Variants in KANSL3 observed in about 807,000 individuals in gnomAD.
KANSL3 encodes the protein NSL complex protein NSL3.
KANSL3 carries 16 observed loss-of-function variants against 89.2 expected under a neutral mutation model. The ratio of observed to expected loss-of-function variants is 0.18; its 90% CI spans 0.12 to 0.27. KANSL3 has a LOEUF of 0.27. Ranked by LOEUF, KANSL3 falls within the 10% of genes least tolerant of loss-of-function variation. The pLI is 1.00. For synonymous variants in KANSL3, 385 were observed against 419.7 expected, an observed-to-expected ratio of 0.92 and a Z score of 1.01; for missense variants, 879 against 1,110.6, an observed-to-expected ratio of 0.79 and a Z score of 2.96.
intron 13 of KANSL3, 28 bp from the exon 14 acceptor site, chr2:96,608,692 G>C: frequency 6.2e-7 from 1 of 1,613,782 alleles, no homozygotes. Context: ...GTCAAGAGAT[G>C]AGACAATGTT....
intron 2 of KANSL3, among the ~76,000 whole-genome samples, chr2:96,635,123 G>T (rs1239349687): frequency 6.6e-6 from 1 of 152,182 alleles, no homozygotes; most frequent in Non-Finnish European, 1.5e-5. Flanking sequence ...AGCTGGTCTT[G>T]TAAGTTCTAC....
chr2:96,602,436 T>C (rs1444254987), intron 18 of KANSL3, 98 bp from the exon 19 acceptor site: 14 of 859,738 alleles, frequency 1.6e-5, no homozygotes, highest in Non-Finnish European at 2.6e-5. Flanking sequence ...CTAACATGTA[T>C]TGAGTGCCTA....
At chr2:96,613,326 G>A (rs985939815) in intron 6 of KANSL3, among the ~76,000 whole-genome samples, 162 bp downstream of exon 6, 20 of 152,122 alleles carry the variant, frequency 1.3e-4, no homozygotes, top group Non-Finnish European at 2.5e-4. Flanking sequence ...AGCTGAGATC[G>A]TGCCACTGCA....
intron 2 of KANSL3, among the ~76,000 whole-genome samples, chr2:96,634,707 T>A (rs1000252655): frequency 6.6e-6 from 1 of 152,218 alleles, no homozygotes; most frequent in African/African-American, 2.4e-5. Context: ...ACTGAAATAA[T>A]TACATCATTA....
At chr2:96,631,209 T>C (rs1573630385) in intron 3 of KANSL3, 103 bp downstream of exon 3, 1 of 827,484 alleles carries the variant, frequency 1.2e-6, no homozygotes, top group Non-Finnish European at 2.0e-6. Flanking sequence ...ACACTCTGAC[T>C]TGTGTTGCTG....
chr2:96,619,848 GT>G, intron 3 of KANSL3, 86 bp from the exon 4 acceptor site: 1 of 1,065,558 alleles, frequency 9.4e-7, no homozygotes, highest in Middle Eastern at 2.0e-4. Flanking sequence ...TTATGCCATA[GT>G]TTTATGTCTC....
intron 11 of KANSL3, 34 bp from the exon 12 acceptor site, chr2:96,609,596 T>C (rs1239879579): frequency 1.3e-6 from 2 of 1,536,310 alleles, no homozygotes; most frequent in Admixed American, 1.7e-5. Context: ...GTTTACTTCT[T>C]ACACATTGCA....
At chr2:96,581,100 A>G in the KANSL3 span, among the ~76,000 whole-genome samples, 1 of 152,228 alleles carries the variant, frequency 6.6e-6, no homozygotes, top group Admixed American at 6.5e-5. Flanking sequence ...AGAGAGCCCC[A>G]AAGCCTAGTG....
intron 3 of KANSL3, chr2:96,628,732 C>T (rs779620430): frequency 2.7e-5 from 4 of 150,814 alleles, no homozygotes; most frequent in Non-Finnish European, 5.9e-5. Flanking sequence ...TATGAATTGT[C>T]CACAAAAACC....
At chr2:96,623,323 C>T (rs2071659644) in intron 3 of KANSL3, among the ~76,000 whole-genome samples, 1 of 152,168 alleles carries the variant, frequency 6.6e-6, no homozygotes, top group Non-Finnish European at 1.5e-5. Context: ...AGTCAAACTG[C>T]AAGAATGCTG....
intron 3 of KANSL3, among the ~76,000 whole-genome samples, chr2:96,630,018 T>TCAG (rs1174594474): frequency 1.3e-5 from 2 of 151,920 alleles, no homozygotes; most frequent in African/African-American, 4.8e-5. Flanking sequence ...AAGAAGAAAA[T>TCAG]CAGTAAGTGT....
intron 11 of KANSL3, chr2:96,610,503 G>C: frequency 2.7e-6 from 1 of 370,558 alleles, no homozygotes; most frequent in Non-Finnish European, 5.0e-6. Context: ...TTTTAGTAGA[G>C]ACGGGGTTTC....
At chr2:96,631,943 G>A (rs2106184008) in intron 2 of KANSL3, among the ~76,000 whole-genome samples, 1 of 152,130 alleles carries the variant, frequency 6.6e-6, no homozygotes, top group African/African-American at 2.4e-5. Flanking sequence ...CTACTAAGGA[G>A]GCTAAGGTGG....
intron 3 of KANSL3, among the ~76,000 whole-genome samples, chr2:96,628,970 G>A (rs1320412184): frequency 6.6e-6 from 1 of 152,086 alleles, no homozygotes; most frequent in Non-Finnish European, 1.5e-5. Context: ...CTGGAGTCAG[G>A]CTGCTTGGTT....
At chr2:96,631,508 C>G (rs763804829) in intron 2 of KANSL3, 26 bp from the exon 3 acceptor site, 1 of 1,553,652 alleles carries the variant, frequency 6.4e-7, no homozygotes, top group Non-Finnish European at 8.7e-7. Flanking sequence ...GAAATAGGAC[C>G]GGGCCACACA....
Position 96,601,677 on chromosome 2 carries a change from T to C in KANSL3, c.2582A>G (p.Glu861Gly), listed in dbSNP as rs745414545. Residue 861 changes from glutamate to glycine, a missense_variant, in exon 20 of 21, where the codon GAG becomes GGG. Physicochemically the swap from Glu to Gly is moderately conservative, Grantham distance 98. Coordinates refer to ENST00000431828, the MANE Select transcript of KANSL3 (RefSeq NM_001115016.3). ...GGAGGGCAGCACCTGGGAAGAGGACTCCTCGGATGGGGCTGCTCCTGAGCC... is the reference window on the plus strand; with the variant it reads ...GGAGGGCAGCACCTGGGAAGAGGACCCCTCGGATGGGGCTGCTCCTGAGCC... ...PMGSGAAPSE[E>G]SSSQVLPSSS... The C allele has an allele frequency of 1.9e-6, 3 of 1,613,632 alleles. No individual in the cohort carries two copies. The highest frequency in any genetic ancestry group is 2.5e-6 in the Non-Finnish European group (3 of 1,179,726).
intron 2 of KANSL3, among the ~76,000 whole-genome samples, chr2:96,632,791 C>A (rs2106207511): frequency 6.6e-6 from 1 of 151,990 alleles, no homozygotes; most frequent in Non-Finnish European, 1.5e-5. Flanking sequence ...ATGGAGAAAC[C>A]CCGTCTCTAC....
chr2:96,612,998 G>A, intron 6 of KANSL3, 64 bp from the exon 7 acceptor site: 3 of 1,076,492 alleles, frequency 2.8e-6, no homozygotes, highest in Non-Finnish European at 4.2e-6. Context: ...GAAATTCCAA[G>A]TATCCCAATA....
intron 5 of KANSL3, among the ~76,000 whole-genome samples, chr2:96,618,949 T>C (rs1203404066): frequency 2.0e-5 from 3 of 152,232 alleles, no homozygotes; most frequent in Non-Finnish European, 2.9e-5. Context: ...GGGAGCAGAA[T>C]TGAAGGCATC....
Sources: allele counts gnomAD v4.1 joint callset (sites outside exome capture counted in the v4.1 genomes callset), GRCh38; gene constraint gnomAD v4.1.1; transcripts MANE v1.5; gene names NCBI Gene and HGNC (gene_info 2026-07-23, HGNC 2026-07-21).